Variants in BTRC observed in about 807,000 individuals in gnomAD.
The protein encoded by BTRC is beta-transducin repeat containing E3 ubiquitin protein ligase.
A neutral mutation model predicts 85.5 loss-of-function variants in BTRC; 42 were observed. The observed-to-expected ratio is 0.49, with a 90% CI of 0.38 to 0.64. The LOEUF is 0.64. Among genes scored for constraint, BTRC ranks in the 30% least tolerant of loss-of-function variants. BTRC has a pLI of 0.00. For synonymous variants in BTRC, 255 were observed against 263.3 expected, an observed-to-expected ratio of 0.97 and a Z score of 0.30; for missense variants, 594 against 743.5, an observed-to-expected ratio of 0.80 and a Z score of 2.34.
intron 1 of BTRC, among the ~76,000 whole-genome samples, chr10:101,414,386 G>A (rs1254776285): frequency 6.6e-6 from 1 of 152,142 alleles, no homozygotes; most frequent in African/African-American, 2.4e-5. Context: ...TGATACTGGT[G>A]TAAATGAACC....
chr10:101,372,069 T>C (rs1942651512), intron 1 of BTRC, among the ~76,000 whole-genome samples: 2 of 152,150 alleles, frequency 1.3e-5, no homozygotes, highest in Non-Finnish European at 2.9e-5. Flanking sequence ...TATATATGTA[T>C]GTAGGCCTGC....
chr10:101,357,373 G>C (rs563120143), intron 1 of BTRC, among the ~76,000 whole-genome samples: 1 of 149,606 alleles, frequency 6.7e-6, no homozygotes, highest in Non-Finnish European at 1.5e-5. Context: ...CCCAGGAGGT[G>C]GAGGTTGCAG....
chr10:101,532,620 G>A (rs1231401513), intron 8 of BTRC, among the ~76,000 whole-genome samples, 188 bp downstream of exon 8: 2 of 152,114 alleles, frequency 1.3e-5, no homozygotes, highest in South Asian at 4.1e-4. Context: ...ATACAAACGG[G>A]TAGTCCTAGG....
At chr10:101,521,916 A>G in intron 5 of BTRC, 46 bp downstream of exon 5, 1 of 1,443,590 alleles carries the variant, frequency 6.9e-7, no homozygotes, top group Non-Finnish European at 9.6e-7. Context: ...TATGATGATA[A>G]GAGAACTAGA....
chr10:101,552,039 C>T (rs11597334), intron 14 of BTRC, among the ~76,000 whole-genome samples: 4 of 152,034 alleles, frequency 2.6e-5, no homozygotes, highest in Admixed American at 2.6e-4. Flanking sequence ...CCAAAATTTT[C>T]TCTTCCTTAG....
At chr10:101,360,262 C>G (rs1942163331) in intron 1 of BTRC, among the ~76,000 whole-genome samples, 6 of 151,416 alleles carry the variant, frequency 4.0e-5, no homozygotes, top group Admixed American at 3.3e-4. Flanking sequence ...ACCGTGTTGC[C>G]CGGGCTGGTC....
chr10:101,449,811 G>A (rs1165852486), intron 2 of BTRC, among the ~76,000 whole-genome samples: 1 of 151,406 alleles, frequency 6.6e-6, no homozygotes, highest in African/African-American at 2.4e-5. Context: ...AAACGTATGT[G>A]TGGATTGCTT....
chr10:101,483,738 G>A (rs571576808), intron 4 of BTRC, among the ~76,000 whole-genome samples: 60 of 152,036 alleles, frequency 3.9e-4, no homozygotes, highest in African/African-American at 1.4e-3. Context: ...ATTTGTGTTT[G>A]GAGCATGATG....
At chr10:101,373,866 C>G (rs34027047) in intron 1 of BTRC, among the ~76,000 whole-genome samples, 45 of 150,622 alleles carry the variant, frequency 3.0e-4, no homozygotes, top group Non-Finnish European at 5.9e-4. Flanking sequence ...TGCAATGAGC[C>G]GAGATCGTGC....
In BTRC at chr10:101,479,473, C is replaced by G. The variant is rs768990158; in HGVS notation, c.324+16C>G. On this transcript the variant is annotated intron_variant, in intron 4 of 14. Transcript: ENST00000370187. ...TGTGGCCAAAGTAAGTAATATTGCTCATCAATGTATATTACACCACACCAT... is the reference window on the plus strand; with the variant it reads ...TGTGGCCAAAGTAAGTAATATTGCTGATCAATGTATATTACACCACACCAT... 2.5e-6 allele frequency: 4 copies of G among 1,586,440 alleles called. No individual in the cohort carries two copies. Among genetic ancestry groups the G allele is most frequent in the African/African-American group, 2.7e-5 (2 of 74,312 alleles).
intron 4 of BTRC, 35 bp from the exon 5 acceptor site, chr10:101,521,604 A>G (rs762361540): frequency 2.8e-6 from 4 of 1,445,944 alleles, no homozygotes; most frequent in Admixed American, 1.8e-5. Context: ...TTTCAATACT[A>G]ATCATTTTAT....
chr10:101,401,109 G>C (rs1435084685), intron 1 of BTRC, among the ~76,000 whole-genome samples: 2 of 152,088 alleles, frequency 1.3e-5, no homozygotes, highest in African/African-American at 4.8e-5. Flanking sequence ...CAGTCCCTTC[G>C]AACTTATTGC....
At chr10:101,366,810 T>TTATGTATATTAATA (rs1942400693) in intron 1 of BTRC, among the ~76,000 whole-genome samples, 2 of 77,636 alleles carry the variant, frequency 2.6e-5, no homozygotes, top group African/African-American at 1.2e-4. Flanking sequence ...ATATATATAT[T>TTATGTATATTAATA]TATATATATT....
chr10:101,363,353 G>A (rs1942266232), intron 1 of BTRC, among the ~76,000 whole-genome samples: 1 of 152,178 alleles, frequency 6.6e-6, no homozygotes, highest in African/African-American at 2.4e-5. Context: ...GGATATGGTG[G>A]CATGTTTCCT....
At chr10:101,397,181 G>C (rs966819949) in intron 1 of BTRC, among the ~76,000 whole-genome samples, 1 of 152,200 alleles carries the variant, frequency 6.6e-6, no homozygotes, top group Non-Finnish European at 1.5e-5. Context: ...TACTTTGTTA[G>C]TGGGGAAATC....
chr10:101,398,920 TGG>T (rs1943429829), intron 1 of BTRC, among the ~76,000 whole-genome samples: 4 of 152,194 alleles, frequency 2.6e-5, no homozygotes, highest in Non-Finnish European at 5.9e-5. Context: ...AACCGAAATC[TGG>T]CCTTTCATGT....
In BTRC at chr10:101,457,730, C is replaced by T. The variant is rs944051930; in HGVS notation, c.157-4251C>T. ...TTTAAAGTTAAGCAGTAGAATATAA[C>T]GTTAATTACATTTGATGGAATTTTC... On this transcript the variant is annotated intron_variant, in intron 2 of 14. Transcript: ENST00000370187. 8.5e-5 allele frequency among the ~76,000 whole-genome samples: 13 copies of T among 152,094 alleles called. 1 individual carries two copies. The highest frequency in any genetic ancestry group is 1.9e-4 in the African/African-American group (8 of 41,398).
chr10:101,505,422 A>C lies in BTRC; in HGVS notation c.325-16217A>C, dbSNP rs906712184. Among the ~76,000 whole-genome samples, 596 of 150,878 alleles carry C rather than the reference A, an allele frequency of 4.0e-3. 5 individuals are homozygous for C. Among genetic ancestry groups the C allele is most frequent in the African/African-American group, 0.014 (559 of 41,388 alleles). On this transcript the variant is annotated intron_variant, in intron 4 of 14. Coordinates refer to ENST00000370187, the MANE Select transcript of BTRC (RefSeq NM_033637.4). ...ATCATGAGGTCAGGAGATCAAGACC[A>C]TCCTGGTTAACACGGTGAAACCCCG...
At chr10:101,371,187 T>C (rs1362052435) in intron 1 of BTRC, among the ~76,000 whole-genome samples, 1 of 62,758 alleles carries the variant, frequency 1.6e-5, no homozygotes, top group Non-Finnish European at 5.1e-5. Context: ...TTGTTTGGTG[T>C]TTTTTTTTTC....
Sources: gnomAD v4.1 joint callset for allele counts (sites outside exome capture counted in the v4.1 genomes callset) on GRCh38, gnomAD v4.1.1 for gene constraint, MANE v1.5 for transcripts, NCBI Gene and HGNC (gene_info 2026-07-23, HGNC 2026-07-21) for gene names.